The following RIMS3 variants were observed in gnomAD, a reference collection of about 807,000 sequenced individuals.
RIMS3 encodes the protein regulating synaptic membrane exocytosis protein 3.
RIMS3 carries 15 observed loss-of-function variants against 29.2 expected under a neutral mutation model. The observed-to-expected ratio is 0.51, with a 90% CI of 0.34 to 0.79. The LOEUF (loss-of-function observed/expected upper bound fraction) is 0.79. RIMS3 is among the 30% of genes least tolerant of loss of function. RIMS3 has a pLI of 0.01. For missense variants in RIMS3, 342 were observed against 421.4 expected, an observed-to-expected ratio of 0.81 and a Z score of 1.65; for synonymous variants, 161 against 170.1, an observed-to-expected ratio of 0.95 and a Z score of 0.41.
intron 1 of RIMS3, among the ~76,000 whole-genome samples, chr1:40,649,635 A>G (rs548668433): frequency 1.3e-5 from 2 of 152,258 alleles, no homozygotes; most frequent in African/African-American, 4.8e-5. Context: ...ACAGCCCCCA[A>G]TCTCACTCGC....
chr1:40,656,236 T>C (rs1025706319), intron 1 of RIMS3, among the ~76,000 whole-genome samples: 3 of 152,048 alleles, frequency 2.0e-5, no homozygotes, highest in South Asian at 4.1e-4. Flanking sequence ...CTAGTCTCGA[T>C]AAATAAACAA....
intron 2 of RIMS3, among the ~76,000 whole-genome samples, chr1:40,646,061 C>T (rs1003823940): frequency 7.9e-5 from 12 of 152,166 alleles, no homozygotes; most frequent in Non-Finnish European, 1.8e-4. Flanking sequence ...GGGATTCGAA[C>T]GTGAACAGAT....
chr1:40,641,874 C>G lies in RIMS3; in HGVS notation c.52G>C (p.Val18Leu), dbSNP rs753971803. Residue 18 changes from valine to leucine, a missense_variant, in exon 3 of 8, where the codon GTG (valine) becomes CTG (leucine). Coordinates refer to ENST00000372684, the MANE Select transcript of RIMS3 (RefSeq NM_014747.3). The part of the protein sequence containing the change: ...PASSGASRNV[V>L]RSSSISGEIC... ...TCACCGCTAATGCTGGAGCTCCGCA[C>G]CACATTCCTGGAGGCCCCAGATGAG... 4 of 1,613,566 alleles carry G rather than the reference C, an allele frequency of 2.5e-6. No individual in the cohort carries two copies. Among genetic ancestry groups the G allele is most frequent in the African/African-American group, 1.3e-5 (1 of 74,936 alleles).
Position 40,623,637 on chromosome 1 carries a change from T to A in RIMS3, c.*2880A>T, listed in dbSNP as rs191682556. Reference sequence around the variant, plus strand: ...AGTTGGCCCCAGGGTGGGAGACTTCTGGAGGGATCATGTTCCTTCCTTCCC... The same window carrying A: ...AGTTGGCCCCAGGGTGGGAGACTTCAGGAGGGATCATGTTCCTTCCTTCCC... On this transcript the variant is annotated 3_prime_UTR_variant, in exon 8 of 8. Coordinates refer to ENST00000372684, the MANE Select transcript of RIMS3 (RefSeq NM_014747.3). 4.3e-4 allele frequency: 171 copies of A among 397,894 alleles called. 2 individuals carry two copies. The East Asian group carries it at 6.0e-3, about 14-fold the overall frequency. The allele number at this position is 397,894 out of a possible 1,614,324, so 24.6% of individuals were successfully genotyped here.
At position 40,632,474 on chromosome 1, in the gene RIMS3, T is replaced by A. The variant is rs1018399706; in HGVS notation, c.472+595A>T. On this transcript the variant is annotated intron_variant, in intron 5 of 7. Coordinates refer to ENST00000372684, the MANE Select transcript of RIMS3 (RefSeq NM_014747.3). ...TATATATATATATATGCCATCTAGG[T>A]TTGTGTAAGTACACTCTATGATGTT... is the stretch of plus-strand genomic sequence containing the variant. Among the ~76,000 whole-genome samples, 7 of 143,072 alleles carry A rather than the reference T, an allele frequency of 4.9e-5. No individual in the cohort carries two copies. The South Asian group carries it at 1.6e-3, about 32-fold the overall frequency. The allele number at this position is 143,072 out of a possible 152,430, so 93.9% of individuals were successfully genotyped here.
rs988755217 is a variant in RIMS3, at chr1:40,635,406, C to A, written c.359+510G>T. ...CTTACTTCATAAGATATGTCTATTT[C>A]TTTTTCTAATGCTGGTTTTGACCCA... On this transcript the variant is annotated intron_variant, in intron 4 of 7. Coordinates refer to ENST00000372684, the MANE Select transcript of RIMS3 (RefSeq NM_014747.3). The surrounding 1 kb of genome is among the most constrained non-coding windows in gnomAD (Gnocchi z 4.1). 2.0e-5 allele frequency among the ~76,000 whole-genome samples: 3 copies of A among 152,174 alleles called. No homozygotes were observed. Among genetic ancestry groups the A allele is most frequent in the African/African-American group, 7.2e-5 (3 of 41,444 alleles).
intron 1 of RIMS3, among the ~76,000 whole-genome samples, chr1:40,660,682 C>T (rs543101608): frequency 4.7e-4 from 72 of 151,916 alleles, no homozygotes; most frequent in African/African-American, 1.7e-3. Flanking sequence ...TGTGAGCCAC[C>T]GCACCCAGCC....
In RIMS3 at chr1:40,628,826, T is replaced by A; in HGVS notation, c.698A>T (p.Gln233Leu). ...QQALLFDEGP[Q>L]GKVLQVIVWG... ...GACACCCACCTGCAGCACCTTGCCC[T>A]GGGGTCCCTCGTCAAAGAGCAGAGC... Residue 233 changes from glutamine (Q) to leucine (L), a missense_variant, in exon 7 of 8, where the codon CAG (glutamine) becomes CTG (leucine). Transcript: ENST00000372684. 6.2e-7 allele frequency: 1 copy of A among 1,614,198 alleles called. No homozygotes were observed. The highest frequency in any genetic ancestry group is 8.5e-7 in the Non-Finnish European group (1 of 1,180,034).
chr1:40,640,199 C>G (rs1229825276), intron 3 of RIMS3, among the ~76,000 whole-genome samples: 1 of 152,126 alleles, frequency 6.6e-6, no homozygotes, highest in Non-Finnish European at 1.5e-5. Context: ...TAATCTCACT[C>G]CTTAGTCCTA....
At chr1:40,661,960 C>G (rs1642357535) in intron 1 of RIMS3, among the ~76,000 whole-genome samples, 2 of 152,172 alleles carry the variant, frequency 1.3e-5, no homozygotes, top group African/African-American at 4.8e-5. Context: ...TGGCTGTCCT[C>G]CCTCCTGGGG....
At chr1:40,660,526 C>T (rs1225360468) in intron 1 of RIMS3, among the ~76,000 whole-genome samples, 4 of 151,826 alleles carry the variant, frequency 2.6e-5, no homozygotes, top group Admixed American at 6.6e-5. Context: ...TACAGGCAAG[C>T]GCCACCATGC....
chr1:40,621,239 A>ACCC lies in RIMS3; in HGVS notation c.*5275_*5277dup, dbSNP rs372732666. ...ATCCCAGAAGCAGAAATGAGGAAAG[A>ACCC]CCCAGCCTCATCTGCTGTTGGGGAC... On this transcript the variant is annotated 3_prime_UTR_variant, in exon 8 of 8. Coordinates refer to ENST00000372684, the MANE Select transcript of RIMS3 (RefSeq NM_014747.3). 6.5e-4 allele frequency: 99 copies of ACCC among 152,356 alleles called. No individual in the cohort carries two copies. The highest frequency in any genetic ancestry group is 2.2e-3 in the African/African-American group (90 of 41,560). 9.4% of individuals were successfully genotyped at this position (152,356 alleles called of 1,614,324 possible).
chr1:40,682,739 A>ATTTTTTTTTTTTTTTTTTTTTTTTTTTTT, the RIMS3 span, among the ~76,000 whole-genome samples: 3 of 46,484 alleles, frequency 6.5e-5, no homozygotes, highest in Admixed American at 1.7e-4. Context: ...CCCTTTGCAG[A>ATTTTTTTTTTTTTTTTTTTTTTTTTTTTT]TCTTTTTTTT....
At position 40,636,776 on chromosome 1, in the gene RIMS3, C is replaced by A. The variant is rs1478489749; in HGVS notation, c.218-719G>T. Among the ~76,000 whole-genome samples the A allele has an allele frequency of 2.0e-5, 3 of 152,218 alleles. No homozygotes were observed. The highest frequency in any genetic ancestry group is 7.2e-5 in the African/African-American group (3 of 41,458). ...GTGAGAACTTACCCGTGTCTCCGTG[C>A]CTCCTGTTCAGAGGCCCTCGACCCC... is the stretch of plus-strand genomic sequence containing the variant. On this transcript the variant is annotated intron_variant, in intron 3 of 7. Coordinates refer to ENST00000372684, the MANE Select transcript of RIMS3 (RefSeq NM_014747.3). The surrounding 1 kb of genome is among the most constrained non-coding windows in gnomAD (Gnocchi z 4.2).
intron 2 of RIMS3, among the ~76,000 whole-genome samples, 200 bp from the exon 3 acceptor site, chr1:40,642,156 T>A (rs972871187): frequency 7.2e-5 from 11 of 152,332 alleles, no homozygotes; most frequent in Admixed American, 6.5e-5. Context: ...CACATGGCTA[T>A]GAAAAACCTT....
At chr1:40,650,547 T>A (rs1646625146) in intron 1 of RIMS3, among the ~76,000 whole-genome samples, 1 of 152,132 alleles carries the variant, frequency 6.6e-6, no homozygotes, top group African/African-American at 2.4e-5. Context: ...CCAGCCACAC[T>A]TGCTTCTTTT....
At chr1:40,684,016 AATG>A in the RIMS3 span, among the ~76,000 whole-genome samples, 406 of 152,294 alleles carry the variant, frequency 2.7e-3, 1 homozygote, top group African/African-American at 9.4e-3. Context: ...CCCTTTCCAT[AATG>A]ATACTTGATT....
At chr1:40,650,401 A>G (rs1158190371) in intron 1 of RIMS3, among the ~76,000 whole-genome samples, 1 of 151,322 alleles carries the variant, frequency 6.6e-6, no homozygotes, top group African/African-American at 2.4e-5. Context: ...CTGCTTGACA[A>G]CCTCCCTTAG....
At position 40,641,798 on chromosome 1, in the gene RIMS3, T is replaced by C; in HGVS notation, c.128A>G (p.Lys43Arg). ...GGCACCCAGGCTGCTCCGCCGCTTC[T>C]TGGCGGTGGTGGTCCCAGCCCCGCC... The part of the protein sequence containing the change: ...AGGGAGTTTA[K>R]KRRSSLGAKM... The change falls in exon 3 of 8, where the codon AAG becomes AGG. Residue 43 changes from lysine to arginine, a missense_variant. Physicochemically the swap from Lys to Arg is conservative, Grantham distance 26. Coordinates refer to ENST00000372684, the MANE Select transcript of RIMS3 (RefSeq NM_014747.3). The C allele has an allele frequency of 1.9e-6, 3 of 1,612,736 alleles. No individual in the cohort carries two copies. Among genetic ancestry groups the C allele is most frequent in the Non-Finnish European group, 2.5e-6 (3 of 1,178,774 alleles).
Sources: allele counts gnomAD v4.1 joint callset (sites outside exome capture counted in the v4.1 genomes callset), GRCh38; gene constraint gnomAD v4.1.1; non-coding constraint Gnocchi (gnomAD v3.1); transcripts MANE v1.5; gene names NCBI Gene and HGNC (gene_info 2026-07-23, HGNC 2026-07-21).